Variants in SPINK5 observed in about 807,000 individuals in gnomAD.
The protein encoded by SPINK5 is serine peptidase inhibitor Kazal type 5, also known as serine protease inhibitor Kazal-type 5.
A neutral mutation model predicts 151.8 loss-of-function variants in SPINK5; 125 were observed. That is an observed-to-expected ratio of 0.82 (90% CI 0.71 to 0.96). The LOEUF (loss-of-function observed/expected upper bound fraction) is 0.96. SPINK5 is among the 40% of genes least tolerant of loss of function. The pLI is 0.00. For missense variants in SPINK5, 1,194 were observed against 1,291.9 expected (o/e 0.92, Z 1.16); for synonymous variants, 374 against 395.3 (o/e 0.95, Z 0.64).
chr5:148,098,553 T>C (rs1352723741), intron 11 of SPINK5, among the ~76,000 whole-genome samples: 1 of 152,084 alleles, frequency 6.6e-6, no homozygotes, highest in Non-Finnish European at 1.5e-5. Flanking sequence ...TTTGTTTTGA[T>C]TGACAACTAC....
intron 7 of SPINK5, 135 bp from the exon 8 acceptor site, chr5:148,091,030 G>A (rs1581069658): frequency 1.3e-6 from 1 of 743,204 alleles, no homozygotes; most frequent in East Asian, 2.8e-5. Context: ...ATTGAAGACG[G>A]AAATGCTTGT....
intron 8 of SPINK5, 141 bp downstream of exon 8, chr5:148,091,369 T>C (rs1753305355): frequency 5.5e-6 from 4 of 730,210 alleles, no homozygotes; most frequent in Middle Eastern, 3.7e-4. Context: ...ATTCCCCAAA[T>C]TGACTATTCC....
intron 13 of SPINK5, 58 bp from the exon 14 acceptor site, chr5:148,101,297 C>T: frequency 8.1e-7 from 1 of 1,231,926 alleles, no homozygotes; most frequent in Non-Finnish European, 1.2e-6. Context: ...TTTGAGATCA[C>T]TTCTAATGTG....
At chr5:148,090,579 C>T (rs1753283124) in intron 7 of SPINK5, 1 of 151,968 alleles carries the variant, frequency 6.6e-6, no homozygotes, top group Non-Finnish European at 1.5e-5. Flanking sequence ...GATAGCCACA[C>T]CTATCTCCGG....
intron 28 of SPINK5, 40 bp from the exon 29 acceptor site, chr5:148,125,683 G>T (rs1244618413): frequency 6.2e-7 from 1 of 1,614,132 alleles, no homozygotes; most frequent in South Asian, 1.1e-5. Flanking sequence ...AAGCCAAAAA[G>T]GGACAAAGCC....
rs1752861830 is a variant in SPINK5 at position 148,075,767 on chromosome 5, T to C, written c.282+3547T>C. The stretch of plus-strand genomic sequence containing the variant: ...AACGAGAGGTCTGTGATGTTCTTGC[T>C]CAGGGATATTCCCATTTCATCCCCT... On this transcript the variant is annotated intron_variant, in intron 4 of 32. Coordinates refer to ENST00000256084, the MANE Select transcript of SPINK5 (RefSeq NM_006846.4). Among the ~76,000 whole-genome samples, 5 of 151,918 alleles carry C rather than the reference T, an allele frequency of 3.3e-5. No homozygotes were observed. In the South Asian group the frequency reaches 8.3e-4, roughly 25 times the overall value.
At chr5:148,131,420 C>T (rs1754569757) in intron 31 of SPINK5, 31 bp downstream of exon 31, 1 of 1,613,084 alleles carries the variant, frequency 6.2e-7, no homozygotes. Flanking sequence ...ATCATATCTT[C>T]CAGTTTAGAA....
chr5:148,121,486 C>G (rs557104033), intron 26 of SPINK5, among the ~76,000 whole-genome samples: 1 of 151,810 alleles, frequency 6.6e-6, no homozygotes, highest in African/African-American at 2.4e-5. Context: ...TTGTGTGTTA[C>G]GGTAGATGAA....
intron 27 of SPINK5, among the ~76,000 whole-genome samples, chr5:148,124,365 A>G (rs1049670800): frequency 3.9e-5 from 6 of 152,236 alleles, no homozygotes; most frequent in African/African-American, 1.4e-4. Context: ...ATGTTTATGA[A>G]CTTCAAAGCA....
chr5:148,100,348 C>G, intron 12 of SPINK5, 106 bp from the exon 13 acceptor site: 1 of 1,212,066 alleles, frequency 8.3e-7, no homozygotes, highest in Non-Finnish European at 1.2e-6. Context: ...TTAAAATCCT[C>G]AGCTCAAAGA....
chr5:148,106,730 C>G (rs1421184883), intron 16 of SPINK5, among the ~76,000 whole-genome samples: 1 of 152,128 alleles, frequency 6.6e-6, no homozygotes, highest in Non-Finnish European at 1.5e-5. Context: ...CTCATTTCCT[C>G]CAGGAAGGCT....
At chr5:148,124,292 A>T (rs1464154323) in intron 27 of SPINK5, among the ~76,000 whole-genome samples, 4 of 152,206 alleles carry the variant, frequency 2.6e-5, no homozygotes, top group Non-Finnish European at 5.9e-5. Context: ...AGGACATTTT[A>T]AAAATGTTTA....
At chr5:148,132,658 G>C (rs1449118230) in intron 31 of SPINK5, among the ~76,000 whole-genome samples, 1 of 152,006 alleles carries the variant, frequency 6.6e-6, no homozygotes, top group Non-Finnish European at 1.5e-5. Flanking sequence ...TATTGATTTG[G>C]ATCTAAATAC....
chr5:148,124,831 T>C lies in SPINK5; in HGVS notation c.2733T>C (p.Asn911=), dbSNP rs1452721924. 6.2e-7 allele frequency: 1 copy of C among 1,600,122 alleles called. No individual in the cohort carries two copies. The highest frequency in any genetic ancestry group is 1.7e-5 in the Admixed American group (1 of 58,104). Residue 911 remains asparagine, a synonymous_variant, in exon 28 of 33, where the codon AAT becomes AAC. Coordinates refer to ENST00000256084, the MANE Select transcript of SPINK5 (RefSeq NM_006846.4). ...AATCAAGTAGCAAGCCCTCAAATAA[T>C]GCAAAGGTTATTTATTAAAGGATAC... ...EEKSSSKPSN[N]AKDECSEFRN...
At chr5:148,121,753 T>A (rs1046130421) in intron 26 of SPINK5, among the ~76,000 whole-genome samples, 1 of 150,244 alleles carries the variant, frequency 6.7e-6, no homozygotes, top group African/African-American at 2.5e-5. Context: ...AGCCCAGGAG[T>A]TCAAAACCAG....
At chr5:148,125,432 TG>T in intron 28 of SPINK5, 1 of 1,169,634 alleles carries the variant, frequency 8.5e-7, no homozygotes, top group Non-Finnish European at 1.3e-6. Flanking sequence ...GCATGCTTCA[TG>T]GGGAAAATGG....
chr5:148,076,381 A>G (rs112527336), intron 4 of SPINK5, among the ~76,000 whole-genome samples: 18 of 151,380 alleles, frequency 1.2e-4, no homozygotes, highest in African/African-American at 3.9e-4. Context: ...TAATCCAGCC[A>G]CAGAAGCAAA....
chr5:148,088,918 G>T (rs768765523), intron 6 of SPINK5: 1 of 470,426 alleles, frequency 2.1e-6, no homozygotes, highest in Non-Finnish European at 4.0e-6. Flanking sequence ...CTTAGCCTGC[G>T]TTAAAACCCC....
chr5:148,124,788 A>G lies in SPINK5; in HGVS notation c.2690A>G (p.Lys897Arg), dbSNP rs1445291965. Residue 897 changes from lysine to arginine, a missense_variant, in exon 28 of 33, where the codon AAA becomes AGA. Lys to Arg is a conservative substitution (Grantham distance 26). Coordinates refer to ENST00000256084, the MANE Select transcript of SPINK5 (RefSeq NM_006846.4). ...AGTGATCGAGAAGCTAATGAAAGAA[A>G]AAAGAAAGATGAAGAGAAATCAAGT... is the stretch of plus-strand genomic sequence containing the variant. ...SIFDREANERKKKDEEKSSSK... is the reference protein window; with the variant it reads ...SIFDREANERRKKDEEKSSSK... 1 of 1,608,280 alleles carries G rather than the reference A, an allele frequency of 6.2e-7. No individual in the cohort carries two copies. Among genetic ancestry groups the G allele is most frequent in the Non-Finnish European group, 8.5e-7 (1 of 1,177,160 alleles).
Sources: allele counts gnomAD v4.1 joint callset (sites outside exome capture counted in the v4.1 genomes callset), GRCh38; gene constraint gnomAD v4.1.1; transcripts MANE v1.5; gene names NCBI Gene and HGNC (gene_info 2026-07-23, HGNC 2026-07-21).